The following GPR180 variants were observed in gnomAD, a reference collection of about 807,000 sequenced individuals.
GPR180 encodes integral membrane protein GPR180.
Under a neutral mutation model 52.6 loss-of-function variants are expected in GPR180, and 53 were observed. The observed-to-expected ratio is 1.01, with a 90% CI of 0.81 to 1.27. The LOEUF is 1.27. GPR180 is among the 50% of genes most tolerant of loss of function. The pLI is 0.00. For missense variants in GPR180, 533 were observed against 527.0 expected (o/e 1.01, Z -0.11); for synonymous variants, 200 against 193.1 (o/e 1.04, Z -0.30).
At chr13:94,625,229 T>G (rs796617789) in intron 7 of GPR180, among the ~76,000 whole-genome samples, 8 of 152,340 alleles carry the variant, frequency 5.3e-5, no homozygotes, top group African/African-American at 1.9e-4. Flanking sequence ...AAAAAGTTAT[T>G]CTCACCTCCT....
Position 94,620,548 on chromosome 13 carries a change from G to A in GPR180, c.737-530G>A, listed in dbSNP as rs1889838260. Among the ~76,000 whole-genome samples, 4 of 152,180 alleles carry A rather than the reference G, an allele frequency of 2.6e-5. No individual in the cohort carries two copies. The South Asian group carries it at 8.3e-4, about 31-fold the overall frequency. On this transcript the variant is annotated intron_variant, in intron 5 of 8. Coordinates refer to ENST00000376958, the MANE Select transcript of GPR180 (RefSeq NM_180989.6). ...CTCATTTGTCTTCAGGATTCTGAAA[G>A]TAAAGCCAATGTTTGGATGTTATGG...
rs1889951344 is a variant in GPR180 at position 94,628,221 on chromosome 13, C to T, written c.*1050C>T. The T allele has an allele frequency of 6.6e-6, 1 of 152,386 alleles. No individual in the cohort carries two copies. The highest frequency in any genetic ancestry group is 1.5e-5 in the Non-Finnish European group (1 of 67,886). The allele number at this position is 152,386 out of a possible 1,614,324, so 9.4% of individuals were successfully genotyped here. On this transcript the variant is annotated 3_prime_UTR_variant, in exon 9 of 9. Transcript: ENST00000376958. The stretch of plus-strand genomic sequence containing the variant: ...CCATCTTGAATCCTTTGTAATAAAG[C>T]CATACTTTTGTGTGTGTGTGTGATG...
Position 94,628,441 on chromosome 13 carries a change from C to G in GPR180, c.*1270C>G, listed in dbSNP as rs1167029236. ...GGCTTATTTTAAAAATATTTTTTAT[C>G]TATTTACTGTGTGTTTAAGCAAGCA... On this transcript the variant is annotated 3_prime_UTR_variant, in exon 9 of 9. Coordinates refer to ENST00000376958, the MANE Select transcript of GPR180 (RefSeq NM_180989.6). 1 of 151,880 alleles carries G rather than the reference C, an allele frequency of 6.6e-6. No homozygotes were observed. Among genetic ancestry groups the G allele is most frequent in the Non-Finnish European group, 1.5e-5 (1 of 67,880 alleles). 9.4% of individuals were successfully genotyped at this position (151,880 alleles called of 1,614,324 possible). A position where few individuals can be genotyped will look rare whatever the true frequency, so the allele number is the denominator to read the frequency against.
In GPR180 at chr13:94,602,086, C is replaced by T; in HGVS notation, c.145+14C>T. 3.0e-6 allele frequency: 4 copies of T among 1,329,728 alleles called. No homozygotes were observed. The highest frequency in any genetic ancestry group is 5.9e-5 in the East Asian group (2 of 34,062). 82.4% of individuals were successfully genotyped at this position (1,329,728 alleles called of 1,614,324 possible). ...TCGAGTTCCATGGTAGGTCTGGGGG[C>T]GGGGAGGGGGATGAAGGCGCGCTGG... On this transcript the variant is annotated intron_variant, in intron 1 of 8. Coordinates refer to ENST00000376958, the MANE Select transcript of GPR180 (RefSeq NM_180989.6).
In GPR180 at chr13:94,601,947, T is replaced by C; in HGVS notation, c.20T>C (p.Leu7Pro). 1 of 1,497,798 alleles carries C rather than the reference T, an allele frequency of 6.7e-7. No homozygotes were observed. The highest frequency in any genetic ancestry group is 8.9e-7 in the Non-Finnish European group (1 of 1,129,358). The allele number at this position is 1,497,798 out of a possible 1,614,324, so 92.8% of individuals were successfully genotyped here. A position where few individuals can be genotyped will look rare whatever the true frequency, so the allele number is the denominator to read the frequency against. The change falls in exon 1 of 9, where the codon CTG (leucine) becomes CCG (proline). Residue 7 changes from leucine (L) to proline (P), a missense_variant. Leu to Pro is a moderately conservative substitution (Grantham distance 98). Transcript: ENST00000376958. ...ACGGGCATGGGGGGGCTGCGGCTGCTGGCTGTGGCCCTCACGTGCTGCTGG... is the reference window on the plus strand; with the variant it reads ...ACGGGCATGGGGGGGCTGCGGCTGCCGGCTGTGGCCCTCACGTGCTGCTGG... MGGLRL[L>P]AVALTCCWWP...
rs533160912 is a variant in GPR180 at position 94,602,606 on chromosome 13, A to G, written c.145+534A>G. On this transcript the variant is annotated intron_variant, in intron 1 of 8. Transcript: ENST00000376958. ...TATTGAGCAGTTTGGTTACTTGGCTACTAGGGCAGTAGATTTACTATGGGC... is the reference window on the plus strand; with the variant it reads ...TATTGAGCAGTTTGGTTACTTGGCTGCTAGGGCAGTAGATTTACTATGGGC... Among the ~76,000 whole-genome samples, 5 of 151,118 alleles carry G rather than the reference A, an allele frequency of 3.3e-5. 1 individual carries two copies. Among genetic ancestry groups the G allele is most frequent in the African/African-American group, 1.2e-4 (5 of 41,098 alleles).
chr13:94,619,016 C>T, intron 3 of GPR180, 134 bp from the exon 4 acceptor site: 6 of 717,908 alleles, frequency 8.4e-6, no homozygotes, highest in Non-Finnish European at 1.3e-5. Context: ...TTTTTTTTCT[C>T]TTACAAAGGT....
At chr13:94,625,269 C>T (rs890653226) in intron 7 of GPR180, among the ~76,000 whole-genome samples, 1 of 152,164 alleles carries the variant, frequency 6.6e-6, no homozygotes, top group Non-Finnish European at 1.5e-5. Flanking sequence ...CTTAATTTAT[C>T]CTTCTGGAGT....
Position 94,634,315 on chromosome 13 carries a change from C to T in GPR180, c.*7144C>T, listed in dbSNP as rs189838258. 1.1e-4 allele frequency: 16 copies of T among 152,132 alleles called. No homozygotes were observed. In the East Asian group the frequency reaches 1.9e-3, roughly 18 times the overall value. 9.4% of individuals were successfully genotyped at this position (152,132 alleles called of 1,614,324 possible). ...CTCAGCCAAGCATATTATCAACTGTCGGAAACTAGGTTTTCCCATAGTGAT... is the reference window on the plus strand; with the variant it reads ...CTCAGCCAAGCATATTATCAACTGTTGGAAACTAGGTTTTCCCATAGTGAT... On this transcript the variant is annotated 3_prime_UTR_variant, in exon 9 of 9. Transcript: ENST00000376958.
rs146124082 is a variant in GPR180 at position 94,620,294 on chromosome 13, A to G, written c.736+777A>G. Among the ~76,000 whole-genome samples the G allele has an allele frequency of 7.2e-5, 11 of 152,096 alleles. 1 individual carries two copies. The East Asian group carries it at 2.1e-3, about 29-fold the overall frequency. ...ACCCAAAGCCTAAAACTCACATCAAAATATGCTGTGAAGAAAAGTGATAAG... is the reference window on the plus strand; with the variant it reads ...ACCCAAAGCCTAAAACTCACATCAAGATATGCTGTGAAGAAAAGTGATAAG... On this transcript the variant is annotated intron_variant, in intron 5 of 8. Coordinates refer to ENST00000376958, the MANE Select transcript of GPR180 (RefSeq NM_180989.6).
At chr13:94,625,530 C>T (rs1295311136) in intron 7 of GPR180, among the ~76,000 whole-genome samples, 3 of 152,126 alleles carry the variant, frequency 2.0e-5, no homozygotes, top group African/African-American at 7.2e-5. Flanking sequence ...CCAGCTCCCC[C>T]TCCTCTGTTC....
Position 94,610,918 on chromosome 13 carries a change from A to T in GPR180, c.305-1272A>T, listed in dbSNP as rs545086971. 6.6e-5 allele frequency among the ~76,000 whole-genome samples: 10 copies of T among 152,342 alleles called. No individual in the cohort carries two copies. In the South Asian group the frequency reaches 1.9e-3, roughly 28 times the overall value. On this transcript the variant is annotated intron_variant, in intron 2 of 8. Coordinates refer to ENST00000376958, the MANE Select transcript of GPR180 (RefSeq NM_180989.6). ...CCTGGATTGAGAACCACTTACTAATATAACTACCTTGTTTTAAAGAAAGGA... is the reference window on the plus strand; with the variant it reads ...CCTGGATTGAGAACCACTTACTAATTTAACTACCTTGTTTTAAAGAAAGGA...
intron 2 of GPR180, among the ~76,000 whole-genome samples, chr13:94,611,891 A>T: frequency 1.5e-5 from 1 of 64,902 alleles, no homozygotes; most frequent in East Asian, 2.0e-4. Context: ...ACCAAAAAGA[A>T]AAAAAAAAAA....
chr13:94,615,139 T>A (rs1889760782), intron 3 of GPR180, among the ~76,000 whole-genome samples: 1 of 152,212 alleles, frequency 6.6e-6, no homozygotes, highest in Non-Finnish European at 1.5e-5. Flanking sequence ...GCTCTAAAGT[T>A]GATTCTTATG....
intron 5 of GPR180, 50 bp downstream of exon 5, chr13:94,619,567 GCTTT>G: frequency 7.0e-7 from 1 of 1,432,372 alleles, no homozygotes; most frequent in Non-Finnish European, 9.7e-7. Context: ...CTCGCTATCT[GCTTT>G]TTTTTTATTT....
intron 3 of GPR180, among the ~76,000 whole-genome samples, chr13:94,613,499 T>A (rs1889739333): frequency 1.3e-5 from 2 of 152,154 alleles, no homozygotes; most frequent in Non-Finnish European, 2.9e-5. Flanking sequence ...GTTGCCCAGG[T>A]TGTCTCAAAC....
intron 2 of GPR180, among the ~76,000 whole-genome samples, chr13:94,606,120 C>T (rs191673970): frequency 2.0e-5 from 3 of 152,152 alleles, no homozygotes; most frequent in East Asian, 1.9e-4. Flanking sequence ...GGTGAAACCC[C>T]GTCTCTACTA....
At chr13:94,624,831 C>T (rs1566983086) in intron 7 of GPR180, among the ~76,000 whole-genome samples, 3 of 152,070 alleles carry the variant, frequency 2.0e-5, no homozygotes, top group East Asian at 1.9e-4. Context: ...CGTGAGCCAC[C>T]GCACCCAGCC....
rs1889940141 is a variant in GPR180 at position 94,627,223 on chromosome 13, G to A, written c.*52G>A. Reference sequence around the variant, plus strand: ...TGAATTGGTTAAAAGAGTGCAATAAGGATCCAAATACAGTGACTTTTTTTT... The same window carrying A: ...TGAATTGGTTAAAAGAGTGCAATAAAGATCCAAATACAGTGACTTTTTTTT... On this transcript the variant is annotated 3_prime_UTR_variant, in exon 9 of 9. Coordinates refer to ENST00000376958, the MANE Select transcript of GPR180 (RefSeq NM_180989.6). 3 of 1,501,102 alleles carry A rather than the reference G, an allele frequency of 2.0e-6. No individual in the cohort carries two copies. Among genetic ancestry groups the A allele is most frequent in the Non-Finnish European group, 2.7e-6 (3 of 1,092,872 alleles). The allele number at this position is 1,501,102 out of a possible 1,614,324, so 93.0% of individuals were successfully genotyped here.
Sources: allele counts gnomAD v4.1 joint callset (sites outside exome capture counted in the v4.1 genomes callset), GRCh38; gene constraint gnomAD v4.1.1; transcripts MANE v1.5; gene names NCBI Gene and HGNC (gene_info 2026-07-23, HGNC 2026-07-21).